The following CRTC1 variants were observed in gnomAD, a reference collection of about 807,000 sequenced individuals.
CRTC1 encodes CREB regulated transcription coactivator 1.
Under a neutral mutation model 66.1 loss-of-function variants are expected in CRTC1, and 18 were observed. The observed-to-expected ratio is 0.27, with a 90% confidence interval of 0.19 to 0.40. The LOEUF is 0.40. Ranked by LOEUF, CRTC1 falls within the 10% of genes least tolerant of loss-of-function variation. CRTC1 has a pLI of 1.00. For missense variants in CRTC1, 669 were observed against 887.9 expected, an observed-to-expected ratio of 0.75 and a Z score of 3.13; for synonymous variants, 416 against 398.8, an observed-to-expected ratio of 1.04 and a Z score of -0.51.
rs1168887989 is a variant in CRTC1 at position 18,768,638 on chromosome 19, C to T, written c.1165C>T (p.Pro389Ser). ...QPPPPPPPQAPVRLPPGGPLL... is the reference protein window; with the variant it reads ...QPPPPPPPQASVRLPPGGPLL... ...ACCACCCCCGCCACCCCCACAGGCG[C>T]CCGTCCGCCTGCCCCCTGGTGGCCC... Residue 389 changes from proline (P) to serine (S), a missense_variant, in exon 10 of 14, where the codon CCC (proline) becomes TCC (serine). Physicochemically the swap from Pro to Ser is moderately conservative, Grantham distance 74. Coordinates refer to ENST00000321949, the MANE Select transcript of CRTC1 (RefSeq NM_015321.3). The surrounding 1 kb of genome is among the most constrained non-coding windows in gnomAD (Gnocchi z 5.6). 2.3e-5 allele frequency: 35 copies of T among 1,523,394 alleles called. No homozygotes were observed. Among genetic ancestry groups the T allele is most frequent in the Non-Finnish European group, 2.6e-5 (29 of 1,126,944 alleles). The allele number at this position is 1,523,394 out of a possible 1,614,324, so 94.4% of individuals were successfully genotyped here.
intron 1 of CRTC1, among the ~76,000 whole-genome samples, chr19:18,687,803 G>T (rs1454819863): frequency 2.0e-5 from 3 of 152,156 alleles, no homozygotes; most frequent in East Asian, 1.9e-4. Flanking sequence ...CAGGGCACAA[G>T]CACTGAAGGG....
intron 12 of CRTC1, 51 bp downstream of exon 12, chr19:18,775,037 G>A (rs764998767): frequency 9.6e-6 from 15 of 1,555,084 alleles, no homozygotes; most frequent in Non-Finnish European, 1.3e-5. Flanking sequence ...ACAGATGCTT[G>A]CTGGGACCCT....
At chr19:18,709,530 G>C (rs1460538839) in intron 1 of CRTC1, among the ~76,000 whole-genome samples, 2 of 152,174 alleles carry the variant, frequency 1.3e-5, no homozygotes, top group Non-Finnish European at 2.9e-5. Flanking sequence ...ATCTGCATGG[G>C]GCTGAGAGGG....
At chr19:18,695,693 G>C (rs924911889) in intron 1 of CRTC1, among the ~76,000 whole-genome samples, 4 of 152,112 alleles carry the variant, frequency 2.6e-5, no homozygotes, top group African/African-American at 9.6e-5. Context: ...GTGAAACCCC[G>C]TCTCTACTAA....
At chr19:18,774,799 G>A in intron 11 of CRTC1, 101 bp from the exon 12 acceptor site, 1 of 1,064,436 alleles carries the variant, frequency 9.4e-7, no homozygotes, top group African/African-American at 1.5e-5. Context: ...TGCCGTCTGG[G>A]AGGTTCCAGG....
At chr19:18,717,218 G>T (rs1187225739) in intron 1 of CRTC1, among the ~76,000 whole-genome samples, 1 of 152,094 alleles carries the variant, frequency 6.6e-6, no homozygotes, top group Non-Finnish European at 1.5e-5. Flanking sequence ...CACTCCCAGG[G>T]TGGGGCTGAG....
intron 13 of CRTC1, 76 bp downstream of exon 13, chr19:18,775,897 TC>T: frequency 7.0e-7 from 1 of 1,432,534 alleles, no homozygotes. Flanking sequence ...GAGACTGCTG[TC>T]CCGCAGCAGG....
In CRTC1 at chr19:18,774,873, C is replaced by G. The variant is rs766166207; in HGVS notation, c.1426-27C>G. ...TTCCCACCTGGCCTCAGGCCGTGAC[C>G]ACAGCAGGCCTCTCTTCTGTCTGCA... On this transcript the variant is annotated intron_variant, in intron 11 of 13. Coordinates refer to ENST00000321949, the MANE Select transcript of CRTC1 (RefSeq NM_015321.3). The G allele has an allele frequency of 1.4e-5, 22 of 1,607,300 alleles. No homozygotes were observed. The South Asian group carries it at 2.0e-4, about 14-fold the overall frequency.
chr19:18,714,294 T>A (rs1287269666), intron 1 of CRTC1, among the ~76,000 whole-genome samples: 6 of 152,074 alleles, frequency 3.9e-5, no homozygotes, highest in African/African-American at 9.7e-5. Flanking sequence ...TGCTATTCGG[T>A]TTGCAACAAA....
intron 1 of CRTC1, among the ~76,000 whole-genome samples, chr19:18,693,005 G>A (rs1223972331): frequency 1.3e-5 from 2 of 149,446 alleles, no homozygotes; most frequent in Non-Finnish European, 3.0e-5. Flanking sequence ...AACCTGGGAG[G>A]TGGAGGTTGC....
rs148081057 is a variant in CRTC1, at chr19:18,774,932, C to T, written c.1458C>T (p.Asp486=). ...HTSTLGSVFG[D]AYYEQQMAAR... The stretch of plus-strand genomic sequence containing the variant: ...CCACCCTGGGCAGCGTGTTTGGGGA[C>T]GCGTACTATGAGCAGCAGATGGCGG... The change falls in exon 12 of 14, where the codon GAC becomes GAT. Residue 486 remains aspartate (D), a synonymous_variant. Coordinates refer to ENST00000321949, the MANE Select transcript of CRTC1 (RefSeq NM_015321.3). 207 of 1,610,590 alleles carry T rather than the reference C, an allele frequency of 1.3e-4. No homozygotes were observed. The highest frequency in any genetic ancestry group is 1.7e-4 in the Middle Eastern group (1 of 6,018).
chr19:18,744,491 A>C lies in CRTC1; in HGVS notation c.244-1332A>C, dbSNP rs551547406. 5.0e-3 allele frequency among the ~76,000 whole-genome samples: 748 copies of C among 149,016 alleles called. 5 individuals are homozygous for C. The highest frequency in any genetic ancestry group is 7.5e-3 in the Admixed American group (113 of 15,016). On this transcript the variant is annotated intron_variant, in intron 2 of 13. Transcript: ENST00000321949. ...CCGTCCCTATATACACACACACACA[A>C]ACACACACACACACACACACATACA...
chr19:18,749,819 C>A lies in CRTC1; in HGVS notation c.482C>A (p.Thr161Lys). ...SDSALHQSTMTPTQPESFSSG... is the reference protein window; with the variant it reads ...SDSALHQSTMKPTQPESFSSG... ...TCCGCCCTGCACCAGAGCACAATGA[C>A]GCCCACGCAGCCAGAATCCTTTAGC... The change falls in exon 5 of 14, where the codon ACG becomes AAG. Residue 161 changes from threonine to lysine, a missense_variant. Physicochemically the swap from Thr to Lys is moderately conservative, Grantham distance 78 (BLOSUM62 -1). Around this residue, in one of 8 missense-constraint regions of CRTC1, gnomAD observed 214 missense variants for 323.4 expected, o/e 0.66. Transcript: ENST00000321949. 2 of 1,614,098 alleles carry A rather than the reference C, an allele frequency of 1.2e-6. No homozygotes were observed. The highest frequency in any genetic ancestry group is 1.7e-6 in the Non-Finnish European group (2 of 1,179,998).
intron 1 of CRTC1, among the ~76,000 whole-genome samples, chr19:18,701,809 G>A (rs1030816382): frequency 6.6e-6 from 1 of 151,598 alleles, no homozygotes; most frequent in African/African-American, 2.4e-5. Context: ...GTAGAGACGG[G>A]GTTTCACCAT....
chr19:18,715,387 C>T (rs912466674), intron 1 of CRTC1, among the ~76,000 whole-genome samples: 4 of 152,242 alleles, frequency 2.6e-5, no homozygotes, highest in African/African-American at 7.2e-5. Flanking sequence ...GACACCACGC[C>T]TGGCTAATAC....
At chr19:18,767,380 G>A (rs2145835609) in intron 9 of CRTC1, among the ~76,000 whole-genome samples, 1 of 152,090 alleles carries the variant, frequency 6.6e-6, no homozygotes, top group East Asian at 1.9e-4. Context: ...TGTATTTTTA[G>A]TAGAGACAGA....
intron 11 of CRTC1, among the ~76,000 whole-genome samples, chr19:18,774,439 C>T (rs1349404013): frequency 2.0e-5 from 3 of 152,232 alleles, no homozygotes; most frequent in African/African-American, 7.2e-5. Flanking sequence ...TCTGTGCGCC[C>T]ATCCTGTCCA....
chr19:18,685,109 T>C (rs912294269), intron 1 of CRTC1, among the ~76,000 whole-genome samples: 1 of 152,210 alleles, frequency 6.6e-6, no homozygotes, highest in African/African-American at 2.4e-5. Context: ...CCTCAGTCTC[T>C]GATTCCTTAG....
rs542418174 is a variant in CRTC1, at chr19:18,691,974, A to G, written c.126+8146A>G. Among the ~76,000 whole-genome samples, 9 of 152,098 alleles carry G rather than the reference A, an allele frequency of 5.9e-5. No homozygotes were observed. The South Asian group carries it at 8.3e-4, about 14-fold the overall frequency. On this transcript the variant is annotated intron_variant, in intron 1 of 13. Coordinates refer to ENST00000321949, the MANE Select transcript of CRTC1 (RefSeq NM_015321.3). ...ATGATCCACCTGCCTCGGCCTCCCAATGTGCTGGGATTACAGGTGTGAGCC... is the reference window on the plus strand; with the variant it reads ...ATGATCCACCTGCCTCGGCCTCCCAGTGTGCTGGGATTACAGGTGTGAGCC...
Sources: gnomAD v4.1 joint callset for allele counts (sites outside exome capture counted in the v4.1 genomes callset) on GRCh38, gnomAD v4.1.1 for gene constraint, gnomAD v4.1.1 regional missense constraint, Gnocchi (gnomAD v3.1) non-coding constraint, MANE v1.5 for transcripts, NCBI Gene and HGNC (gene_info 2026-07-23, HGNC 2026-07-21) for gene names.